C2orf80: variants seen among roughly 807,000 people sequenced by gnomAD.
C2orf80 encodes chromosome 2 open reading frame 80.
A neutral mutation model predicts 30.2 loss-of-function variants in C2orf80; 28 were observed. The ratio of observed to expected loss-of-function variants is 0.93; its 90% confidence interval spans 0.69 to 1.27. The LOEUF (loss-of-function observed/expected upper bound fraction) is 1.27, where lower values mean the gene tolerates loss of function less well. Ranked by LOEUF, C2orf80 falls within the 50% of genes most tolerant of loss-of-function variation. C2orf80 has a pLI of 0.00. For missense variants in C2orf80, 220 were observed against 231.0 expected, an observed-to-expected ratio of 0.95 and a Z score of 0.31; for synonymous variants, 80 against 76.4, an observed-to-expected ratio of 1.05 and a Z score of -0.24.
At chr2:208,183,260 T>C (rs1193560300) in intron 3 of C2orf80, among the ~76,000 whole-genome samples, 1 of 152,018 alleles carries the variant, frequency 6.6e-6, no homozygotes, top group East Asian at 1.9e-4. Flanking sequence ...CAGAAATATT[T>C]TGGGATCTTG....
rs142326505 is a variant in C2orf80, at chr2:208,186,554, C to T, written c.41+392G>A. On this transcript the variant is annotated intron_variant, in intron 2 of 8. Transcript: ENST00000341287. ...TTGATAAGGCTGACAATAAAAGAGG[C>T]AGAGCAGAGGCTGCAATTTAGATTC... Among the ~76,000 whole-genome samples, 721 of 152,280 alleles carry T rather than the reference C, an allele frequency of 4.7e-3. 5 individuals are homozygous for T. The highest frequency in any genetic ancestry group is 0.016 in the African/African-American group (676 of 41,556).
At chr2:208,189,726 C>T in intron 1 of C2orf80, 1 of 545,196 alleles carries the variant, frequency 1.8e-6, no homozygotes, top group South Asian at 2.4e-5. Flanking sequence ...AAAGCACACA[C>T]AAAAGAGGTA....
chr2:208,171,352 C>T (rs1023621047), intron 7 of C2orf80, among the ~76,000 whole-genome samples: 1 of 151,998 alleles, frequency 6.6e-6, no homozygotes, highest in African/African-American at 2.4e-5. Flanking sequence ...TGGAGTTTCA[C>T]TCTTGTTGCC....
intron 8 of C2orf80, among the ~76,000 whole-genome samples, chr2:208,169,449 C>T (rs1696022161): frequency 6.6e-6 from 1 of 152,128 alleles, no homozygotes; most frequent in East Asian, 1.9e-4. Flanking sequence ...CTAATACCTT[C>T]GGCCGGGCAC....
intron 3 of C2orf80, among the ~76,000 whole-genome samples, 159 bp from the exon 4 acceptor site, chr2:208,183,206 T>A (rs1696616631): frequency 6.6e-6 from 1 of 151,752 alleles, no homozygotes; most frequent in East Asian, 1.9e-4. Flanking sequence ...CGGCCAGATT[T>A]TTTTTTTTTT....
chr2:208,176,970 CA>C (rs1559340634), intron 6 of C2orf80, among the ~76,000 whole-genome samples: 361 of 91,928 alleles, frequency 3.9e-3, no homozygotes, highest in African/African-American at 0.013. Flanking sequence ...CATATGTATA[CA>C]TATATACAGA....
intron 1 of C2orf80, among the ~76,000 whole-genome samples, chr2:208,189,357 A>G (rs1049054523): frequency 2.6e-5 from 4 of 152,126 alleles, no homozygotes; most frequent in African/African-American, 4.8e-5. Flanking sequence ...CCACCATTCA[A>G]TATGGTATAA....
At chr2:208,176,061 C>A (rs1696282930) in intron 6 of C2orf80, among the ~76,000 whole-genome samples, 1 of 152,174 alleles carries the variant, frequency 6.6e-6, no homozygotes, top group Non-Finnish European at 1.5e-5. Flanking sequence ...GCAAAGTTTA[C>A]ATTGTGTTAA....
Position 208,183,106 on chromosome 2 carries a change from C to T in C2orf80, c.124-59G>A, listed in dbSNP as rs1215334001. 7 of 1,377,072 alleles carry T rather than the reference C, an allele frequency of 5.1e-6. No homozygotes were observed. In the African/African-American group the frequency reaches 5.7e-5, roughly 11 times the overall value. 85.3% of individuals were successfully genotyped at this position (1,377,072 alleles called of 1,614,324 possible). A position where few individuals can be genotyped will look rare whatever the true frequency, so the allele number is the denominator to read the frequency against. On this transcript the variant is annotated intron_variant, in intron 3 of 8. Coordinates refer to ENST00000341287, the MANE Select transcript of C2orf80 (RefSeq NM_001099334.3). ...GGCTTAGACATTGGCCGAAGTACTC[C>T]CTGGACCCAATGACAATGGGACTGC...
intron 6 of C2orf80, among the ~76,000 whole-genome samples, chr2:208,175,733 TA>T (rs1235864688): frequency 7.7e-6 from 1 of 129,560 alleles, no homozygotes; most frequent in African/African-American, 3.3e-5. Context: ...TCTCTTGCAA[TA>T]TCGTTTTTTT....
intron 1 of C2orf80, among the ~76,000 whole-genome samples, chr2:208,189,554 G>A (rs1036560669): frequency 6.6e-6 from 1 of 152,176 alleles, no homozygotes; most frequent in African/African-American, 2.4e-5. Flanking sequence ...TTACAGCTGT[G>A]GAAGTCAGTG....
chr2:208,166,326 G>A (rs570638757), intron 8 of C2orf80, among the ~76,000 whole-genome samples: 1 of 152,220 alleles, frequency 6.6e-6, no homozygotes, highest in African/African-American at 2.4e-5. Context: ...AAAGCTAACA[G>A]AACAAAACAT....
rs1384861656 is a variant in C2orf80 at position 208,165,585 on chromosome 2, A to G, written c.*222T>C. On this transcript the variant is annotated 3_prime_UTR_variant, in exon 9 of 9. Coordinates refer to ENST00000341287, the MANE Select transcript of C2orf80 (RefSeq NM_001099334.3). ...ATTCTCCAGCAGTCTTCCAGTCACA[A>G]TGAAGTAGCATAAGGTCACAGTTTT... is the stretch of plus-strand genomic sequence containing the variant. 7 of 499,706 alleles carry G rather than the reference A, an allele frequency of 1.4e-5. No homozygotes were observed. Among genetic ancestry groups the G allele is most frequent in the African/African-American group, 6.1e-5 (3 of 49,410 alleles). 31.0% of individuals were successfully genotyped at this position (499,706 alleles called of 1,614,324 possible).
intron 5 of C2orf80, 65 bp from the exon 6 acceptor site, chr2:208,180,881 A>G: frequency 7.2e-7 from 1 of 1,380,634 alleles, no homozygotes; most frequent in Non-Finnish European, 1.0e-6. Flanking sequence ...ATTATAAAAC[A>G]AAGCTAATAT....
chr2:208,170,350 C>A (rs1454144265), intron 8 of C2orf80, among the ~76,000 whole-genome samples: 1 of 152,210 alleles, frequency 6.6e-6, no homozygotes, highest in Non-Finnish European at 1.5e-5. Context: ...GCTGGAAGAA[C>A]AAAGAGCCCT....
intron 4 of C2orf80, among the ~76,000 whole-genome samples, chr2:208,182,645 T>A (rs1696594400): frequency 6.6e-6 from 1 of 152,152 alleles, no homozygotes; most frequent in Admixed American, 6.5e-5. Context: ...AAGTAATGAG[T>A]CTGCCTCAGC....
chr2:208,168,529 C>T lies in C2orf80; in HGVS notation c.573+2416G>A, dbSNP rs568446024. The T allele has an allele frequency of 1.2e-3, 211 of 169,076 alleles. 2 individuals carry two copies. Among genetic ancestry groups the T allele is most frequent in the South Asian group, 6.6e-3 (62 of 9,392 alleles). 10.5% of individuals were successfully genotyped at this position (169,076 alleles called of 1,614,324 possible). ...ACAAAAAATTAGCCGGGCGTGGTGGCGGGCGCCTGTAGTCCCAGCTACTCG... is the reference window on the plus strand; with the variant it reads ...ACAAAAAATTAGCCGGGCGTGGTGGTGGGCGCCTGTAGTCCCAGCTACTCG... On this transcript the variant is annotated intron_variant, in intron 8 of 8. Coordinates refer to ENST00000341287, the MANE Select transcript of C2orf80 (RefSeq NM_001099334.3).
chr2:208,184,992 C>T lies in C2orf80; in HGVS notation c.82G>A (p.Asp28Asn), dbSNP rs752010115. The change falls in exon 3 of 9, where the codon GAC becomes AAC. Residue 28 changes from aspartate (D) to asparagine (N), a missense_variant. Asp to Asn is a conservative substitution (Grantham distance 23). Coordinates refer to ENST00000341287, the MANE Select transcript of C2orf80 (RefSeq NM_001099334.3). ...IGIRLRENEFDPKGRRQLTFL... is the reference protein window; with the variant it reads ...IGIRLRENEFNPKGRRQLTFL... ...GTGAGTTGCCGTCTTCCTTTTGGGT[C>T]AAATTCATTTTCCCGAAGTCTGATG... The T allele has an allele frequency of 1.2e-6, 2 of 1,613,856 alleles. No homozygotes were observed. Among genetic ancestry groups the T allele is most frequent in the Non-Finnish European group, 8.5e-7 (1 of 1,179,916 alleles).
At chr2:208,189,693 G>A (rs1280586598) in intron 1 of C2orf80, among the ~76,000 whole-genome samples, 5 of 152,130 alleles carry the variant, frequency 3.3e-5, no homozygotes, top group African/African-American at 7.2e-5. Context: ...AAACAAGACC[G>A]CTGTGTGTTT....
Sources: gnomAD v4.1 joint callset for allele counts (sites outside exome capture counted in the v4.1 genomes callset) on GRCh38, gnomAD v4.1.1 for gene constraint, MANE v1.5 for transcripts, NCBI Gene and HGNC (gene_info 2026-07-23, HGNC 2026-07-21) for gene names.